GSG1L: variants seen among roughly 807,000 people sequenced by gnomAD.
GSG1L encodes the protein GSG1 like, also known as germ cell-specific gene 1-like protein.
In GSG1L, 24 loss-of-function variants were observed where a neutral mutation model predicts 42.1. The observed-to-expected ratio is 0.57, with a 90% confidence interval of 0.41 to 0.80. The LOEUF is 0.80. GSG1L is among the 30% of genes least tolerant of loss of function. The probability of loss-of-function intolerance (pLI) is 0.00; values close to 1 mark genes in which losing one functional copy is unlikely to be tolerated. For missense variants in GSG1L, 445 were observed against 472.2 expected (o/e 0.94, Z 0.53); for synonymous variants, 215 against 203.5 (o/e 1.06, Z -0.48).
At chr16:28,053,413 G>A (rs2141196918) in intron 1 of GSG1L, among the ~76,000 whole-genome samples, 1 of 152,284 alleles carries the variant, frequency 6.6e-6, no homozygotes, top group African/African-American at 2.4e-5. Flanking sequence ...ATGAAACGAA[G>A]CCCCCATCCT....
intron 6 of GSG1L, among the ~76,000 whole-genome samples, chr16:27,792,348 C>T (rs1420419529): frequency 1.3e-5 from 2 of 152,148 alleles, no homozygotes; most frequent in African/African-American, 4.8e-5. Context: ...CAGGGGGCAC[C>T]TGCCACTGTC....
chr16:27,952,163 C>T (rs1485567505), intron 2 of GSG1L, among the ~76,000 whole-genome samples: 1 of 152,352 alleles, frequency 6.6e-6, no homozygotes, highest in Admixed American at 6.5e-5. Flanking sequence ...TATCTATAAC[C>T]TGGCCCCTAT....
At chr16:27,808,079 T>C (rs774403336) in intron 5 of GSG1L, among the ~76,000 whole-genome samples, 14 of 151,552 alleles carry the variant, frequency 9.2e-5, no homozygotes, top group Non-Finnish European at 2.1e-4. Context: ...CTAAGCAGCA[T>C]TTCCCTCCCC....
intron 4 of GSG1L, among the ~76,000 whole-genome samples, chr16:27,831,605 G>A (rs1355604733): frequency 6.6e-6 from 1 of 152,176 alleles, no homozygotes; most frequent in East Asian, 1.9e-4. Flanking sequence ...TCCAGTAACT[G>A]AGTGTGTGGA....
At chr16:27,890,516 GAATGAGGACAAGTAGATAAACT>G (rs1385787390) in intron 2 of GSG1L, among the ~76,000 whole-genome samples, 1 of 152,242 alleles carries the variant, frequency 6.6e-6, no homozygotes, top group Non-Finnish European at 1.5e-5. Context: ...GCCACAGTGG[GAATGAGGACAAGTAGATAAACT>G]GATAACCCCT....
intron 2 of GSG1L, among the ~76,000 whole-genome samples, chr16:27,955,418 A>T (rs1306006002): frequency 6.6e-6 from 1 of 151,988 alleles, no homozygotes; most frequent in South Asian, 2.1e-4. Flanking sequence ...ATGGAAGATT[A>T]AAAAAAAGTG....
intron 2 of GSG1L, among the ~76,000 whole-genome samples, chr16:27,949,229 A>T (rs992454362): frequency 6.6e-6 from 1 of 152,072 alleles, no homozygotes; most frequent in Admixed American, 6.6e-5. Context: ...CATCATTATT[A>T]TTATTAATTT....
chr16:28,036,426 T>C (rs1185499011), intron 1 of GSG1L, among the ~76,000 whole-genome samples: 2 of 152,112 alleles, frequency 1.3e-5, no homozygotes, highest in African/African-American at 4.8e-5. Context: ...CTTCAACCAG[T>C]GGTAGATGGG....
chr16:27,852,059 C>T (rs942202018), intron 3 of GSG1L, among the ~76,000 whole-genome samples: 4 of 152,240 alleles, frequency 2.6e-5, no homozygotes, highest in Non-Finnish European at 2.9e-5. Context: ...TGCCACGCTC[C>T]ATTTAATTGA....
intron 1 of GSG1L, among the ~76,000 whole-genome samples, chr16:27,965,254 A>G (rs902868147): frequency 6.6e-6 from 1 of 152,062 alleles, no homozygotes; most frequent in East Asian, 1.9e-4. Context: ...CCTGACCTCA[A>G]GTGATCTGCC....
At chr16:27,794,363 C>T (rs1035648110) in intron 6 of GSG1L, among the ~76,000 whole-genome samples, 9 of 151,336 alleles carry the variant, frequency 5.9e-5, no homozygotes, top group Non-Finnish European at 1.2e-4. Flanking sequence ...CGGAGTCTCG[C>T]TCTGTTGCCC....
intron 2 of GSG1L, among the ~76,000 whole-genome samples, chr16:27,909,868 T>C (rs2084364011): frequency 6.6e-6 from 1 of 151,980 alleles, no homozygotes; most frequent in Non-Finnish European, 1.5e-5. Context: ...CACAGTCCCA[T>C]TTCATTGTTA....
At chr16:27,911,435 C>T (rs550674215) in intron 2 of GSG1L, among the ~76,000 whole-genome samples, 48 of 152,114 alleles carry the variant, frequency 3.2e-4, no homozygotes, top group Non-Finnish European at 6.0e-4. Flanking sequence ...GGATTACAGG[C>T]GCCCGCCACC....
intron 4 of GSG1L, among the ~76,000 whole-genome samples, chr16:27,830,982 C>T (rs1476827573): frequency 6.6e-6 from 1 of 152,214 alleles, no homozygotes. Flanking sequence ...TGGGGCTGGC[C>T]CCAACCCCAA....
At position 28,051,511 on chromosome 16, in the gene GSG1L, A is replaced by G. The variant is rs1219571913; in HGVS notation, c.349+11565T>C. On this transcript the variant is annotated intron_variant, in intron 1 of 6. Coordinates refer to ENST00000447459, the MANE Select transcript of GSG1L (RefSeq NM_001109763.2). Reference sequence around the variant, plus strand: ...TGTCAGGTAGGGGGAAGTGTTACGAAAAAAAAAAAAAAACAAGCTGCGTAG... The same window carrying G: ...TGTCAGGTAGGGGGAAGTGTTACGAGAAAAAAAAAAAAACAAGCTGCGTAG... 7.3e-5 allele frequency among the ~76,000 whole-genome samples: 11 copies of G among 150,038 alleles called. No homozygotes were observed. In the South Asian group the frequency reaches 1.3e-3, roughly 17 times the overall value.
chr16:27,848,463 C>A (rs1402463973), intron 3 of GSG1L, among the ~76,000 whole-genome samples: 1 of 152,168 alleles, frequency 6.6e-6, no homozygotes, highest in Non-Finnish European at 1.5e-5. Context: ...GGTCACCATT[C>A]ATTCATTTAT....
chr16:27,840,012 G>C lies in GSG1L; in HGVS notation c.662+4938C>G, dbSNP rs1457433807. On this transcript the variant is annotated intron_variant, in intron 4 of 6. Coordinates refer to ENST00000447459, the MANE Select transcript of GSG1L (RefSeq NM_001109763.2). ...TGCCTCCCACTGTGCACAGCACAAA[G>C]TAGGTGTAGTAACCTTAATCTTTTT... Among the ~76,000 whole-genome samples the C allele has an allele frequency of 2.7e-5, 4 of 149,586 alleles. No homozygotes were observed. In the East Asian group the frequency reaches 8.0e-4, roughly 30 times the overall value.
intron 6 of GSG1L, among the ~76,000 whole-genome samples, chr16:27,806,871 G>A (rs1190408701): frequency 6.6e-6 from 1 of 152,204 alleles, no homozygotes; most frequent in Non-Finnish European, 1.5e-5. Flanking sequence ...GGGTAAGCAA[G>A]GATATGAGAT....
chr16:27,908,503 C>T lies in GSG1L; in HGVS notation c.398-23865G>A, dbSNP rs115840685. Among the ~76,000 whole-genome samples the T allele has an allele frequency of 8.3e-3, 1,257 of 152,230 alleles. 18 individuals are homozygous for T. Among genetic ancestry groups the T allele is most frequent in the African/African-American group, 0.029 (1,195 of 41,534 alleles). The stretch of plus-strand genomic sequence containing the variant: ...TTGGTCTGTTTCCTAGTCCAGTTTG[C>T]GCTGCTATAACAGAATACCAGAGAC... On this transcript the variant is annotated intron_variant, in intron 2 of 6. Coordinates refer to ENST00000447459, the MANE Select transcript of GSG1L (RefSeq NM_001109763.2).
Sources: allele counts gnomAD v4.1 joint callset (sites outside exome capture counted in the v4.1 genomes callset), GRCh38; gene constraint gnomAD v4.1.1; transcripts MANE v1.5; gene names NCBI Gene and HGNC (gene_info 2026-07-23, HGNC 2026-07-21).